TPTE2: variants seen among roughly 807,000 people sequenced by gnomAD.
TPTE2 encodes the protein transmembrane phosphoinositide 3-phosphatase and tensin homolog 2, also known as phosphatidylinositol 3,4,5-trisphosphate 3-phosphatase TPTE2.
Under a neutral mutation model 78.6 loss-of-function variants are expected in TPTE2, and 53 were observed. The observed-to-expected ratio is 0.67, with a 90% confidence interval of 0.54 to 0.85. TPTE2 has a LOEUF of 0.85. Ranked by LOEUF, TPTE2 falls within the 40% of genes least tolerant of loss-of-function variation. The pLI is 0.00. For missense variants in TPTE2, 461 were observed against 623.0 expected (o/e 0.74, Z 2.77); for synonymous variants, 175 against 206.2 (o/e 0.85, Z 1.30).
chr13:19,478,810 C>T (rs1425767100), intron 4 of TPTE2, among the ~76,000 whole-genome samples: 3 of 152,086 alleles, frequency 2.0e-5, no homozygotes, highest in Non-Finnish European at 4.4e-5. Flanking sequence ...CACATATACA[C>T]CATGGAATAC....
intron 3 of TPTE2, among the ~76,000 whole-genome samples, chr13:19,483,785 CT>C (rs1379243158): frequency 3.3e-5 from 5 of 151,164 alleles, no homozygotes; most frequent in Non-Finnish European, 4.4e-5. Flanking sequence ...AAACATACTT[CT>C]TTTTTTTTAT....
In TPTE2 at chr13:19,475,062, C is replaced by T. The variant is rs556215582; in HGVS notation, c.230+511G>A. Among the ~76,000 whole-genome samples the T allele has an allele frequency of 7.1e-4, 108 of 152,200 alleles. 1 individual carries two copies. The highest frequency in any genetic ancestry group is 2.3e-3 in the African/African-American group (97 of 41,512). On this transcript the variant is annotated intron_variant, in intron 5 of 19. Coordinates refer to ENST00000400230, the Ensembl canonical transcript of TPTE2. ...TGCAATTCTTAATGTCCAGCTTAAA[C>T]CAAAATTCCATGATAAATTACATTA...
intron 1 of TPTE2, among the ~76,000 whole-genome samples, chr13:19,527,279 T>C (rs1391334493): frequency 6.6e-6 from 1 of 152,174 alleles, no homozygotes; most frequent in Admixed American, 6.5e-5. Flanking sequence ...CAAAAATGTA[T>C]TGTGTATTTC....
chr13:19,509,490 A>G lies in TPTE2; in HGVS notation c.-43-6213T>C, dbSNP rs143311588. ...AATGAGATTATTCAATTATATGTTA[A>G]TAAATGTGAAAACTTGGATGGAATG... is the stretch of plus-strand genomic sequence containing the variant. On this transcript the variant is annotated intron_variant, in intron 1 of 17. Coordinates refer to the TPTE2 transcript ENST00000390680. Among the ~76,000 whole-genome samples, 1,052 of 152,286 alleles carry G rather than the reference A, an allele frequency of 6.9e-3. 11 individuals carry two copies. Among genetic ancestry groups the G allele is most frequent in the African/African-American group, 0.024 (1,004 of 41,562 alleles).
chr13:19,438,303 CT>C (rs1364059538), intron 13 of TPTE2, 150 bp from the exon 17 acceptor site: 1 of 1,301,182 alleles, frequency 7.7e-7, no homozygotes, highest in Non-Finnish European at 9.9e-7. Flanking sequence ...GTGGCACAAT[CT>C]TGGCTCATTG....
chr13:19,470,054 C>T (rs1365687377), intron 6 of TPTE2, among the ~76,000 whole-genome samples: 2 of 152,096 alleles, frequency 1.3e-5, no homozygotes, highest in African/African-American at 4.8e-5. Context: ...GCTAGGACTT[C>T]CGGTACTATG....
rs959583765 is a variant in TPTE2 at position 19,493,752 on chromosome 13, C to T, written c.12-251G>A. ...TAAGTAAACCTCTTTATTATGACCT[C>T]AGTCCCAATGTGTGACAGATTTTCT... On this transcript the variant is annotated intron_variant, in intron 1 of 19. Coordinates refer to ENST00000400230, the Ensembl canonical transcript of TPTE2. The T allele has an allele frequency of 3.1e-5, 16 of 512,498 alleles. 1 individual carries two copies. The Admixed American group carries it at 4.0e-4, about 13-fold the overall frequency. The allele number at this position is 512,498 out of a possible 1,614,324, so 31.7% of individuals were successfully genotyped here.
At chr13:19,523,718 G>C (rs151115208) in intron 1 of TPTE2, among the ~76,000 whole-genome samples, 3,859 of 152,058 alleles carry the variant, frequency 0.025, 129 homozygotes, top group African/African-American at 0.075. Flanking sequence ...TCAGGTTATC[G>C]TCCCACCTCA....
At position 19,535,407 on chromosome 13, in the gene TPTE2, G is replaced by A. The variant is rs1375940795; in HGVS notation, c.-44+1189C>T. Among the ~76,000 whole-genome samples the A allele has an allele frequency of 2.0e-5, 3 of 151,674 alleles. No homozygotes were observed. The highest frequency in any genetic ancestry group is 7.3e-5 in the African/African-American group (3 of 41,360). On this transcript the variant is annotated intron_variant, in intron 1 of 17. Transcript: ENST00000390680. The surrounding 1 kb of genome is among the most constrained non-coding windows in gnomAD (Gnocchi z 5.1). Reference sequence around the variant, plus strand: ...TGTCATCACTGGCTAGTGAAAATTAGAAAAATTTAAGGAATTCTCAGCAAA... The same window carrying A: ...TGTCATCACTGGCTAGTGAAAATTAAAAAAATTTAAGGAATTCTCAGCAAA...
intron 4 of TPTE2, among the ~76,000 whole-genome samples, chr13:19,476,058 G>A (rs1047226763): frequency 4.6e-5 from 7 of 152,166 alleles, no homozygotes; most frequent in African/African-American, 1.7e-4. Context: ...TGAGCATAGG[G>A]AGAGTAAATG....
intron 6 of TPTE2, among the ~76,000 whole-genome samples, chr13:19,471,877 C>A (rs1413523500): frequency 1.3e-5 from 2 of 152,118 alleles, no homozygotes; most frequent in Non-Finnish European, 2.9e-5. Flanking sequence ...GACAAAATCC[C>A]TCAGCTTTTG....
At chr13:19,459,228 G>T (rs1320435392) in intron 10 of TPTE2, among the ~76,000 whole-genome samples, 1 of 152,108 alleles carries the variant, frequency 6.6e-6, no homozygotes, top group Non-Finnish European at 1.5e-5. Flanking sequence ...CTTTTGGGAA[G>T]TGTCTGTTCA....
chr13:19,526,263 A>G (rs2880305), intron 1 of TPTE2, among the ~76,000 whole-genome samples: 145,821 of 152,196 alleles, frequency 0.96, 70,098 homozygotes, highest in East Asian at 1. Context: ...TATTCACAAT[A>G]GCAAAGACAC....
chr13:19,531,852 G>C (rs1453949027), intron 1 of TPTE2, among the ~76,000 whole-genome samples: 2 of 152,124 alleles, frequency 1.3e-5, no homozygotes, highest in Admixed American at 6.5e-5. Flanking sequence ...GCTTGAACCT[G>C]GGAGGCAGAG....
In TPTE2 at chr13:19,524,031, A is replaced by T. The variant is rs191878185; in HGVS notation, c.-44+12565T>A. ...TCTTTTTTAAAAAGCTGGGAATGAG[A>T]TGTCAATAGGGGACTTTGAAATGCT... On this transcript the variant is annotated intron_variant, in intron 1 of 17. Coordinates refer to the TPTE2 transcript ENST00000390680. Among the ~76,000 whole-genome samples, 17 of 152,318 alleles carry T rather than the reference A, an allele frequency of 1.1e-4. 1 individual carries two copies. Among genetic ancestry groups the T allele is most frequent in the Middle Eastern group, 6.8e-3 (2 of 294 alleles).
At chr13:19,517,868 G>C (rs1329672044) in intron 1 of TPTE2, among the ~76,000 whole-genome samples, 2 of 152,164 alleles carry the variant, frequency 1.3e-5, no homozygotes, top group Admixed American at 6.5e-5. Context: ...GGGTGGGGGA[G>C]AATGTACCAA....
chr13:19,559,123 G>A, the TPTE2 span, among the ~76,000 whole-genome samples: 285 of 152,192 alleles, frequency 1.9e-3, no homozygotes, highest in African/African-American at 6.4e-3. Flanking sequence ...CTTCACCAGC[G>A]TCAACTCTGA....
chr13:19,440,376 C>G (rs1877408805), intron 13 of TPTE2, among the ~76,000 whole-genome samples: 1 of 152,054 alleles, frequency 6.6e-6, no homozygotes, highest in African/African-American at 2.4e-5. Flanking sequence ...ACATGATCAT[C>G]TCAATAGATG....
At chr13:19,515,175 C>T (rs1028367949) in intron 1 of TPTE2, among the ~76,000 whole-genome samples, 3 of 152,140 alleles carry the variant, frequency 2.0e-5, no homozygotes, top group Non-Finnish European at 4.4e-5. Flanking sequence ...AGAATTAATG[C>T]TCTTTGCCAC....
Sources: allele counts gnomAD v4.1 joint callset (sites outside exome capture counted in the v4.1 genomes callset), GRCh38; gene constraint gnomAD v4.1.1; non-coding constraint Gnocchi (gnomAD v3.1); transcripts MANE v1.5; gene names NCBI Gene and HGNC (gene_info 2026-07-23, HGNC 2026-07-21).